Variants in ATP8B4 observed in about 807,000 individuals in gnomAD.
ATP8B4 encodes ATPase phospholipid transporting 8B4 (putative), also known as probable phospholipid-transporting ATPase IM.
ATP8B4 carries 133 observed loss-of-function variants against 145.6 expected under a neutral mutation model. That is an observed-to-expected ratio of 0.91 (90% CI 0.79 to 1.05). The LOEUF is 1.05. Ranked by LOEUF, ATP8B4 falls within the 50% of genes least tolerant of loss-of-function variation. ATP8B4 has a pLI of 0.00. For synonymous variants in ATP8B4, 507 were observed against 492.9 expected (o/e 1.03, Z -0.38); for missense variants, 1,458 against 1,425.2 (o/e 1.02, Z -0.37).
At chr15:50,023,419 C>T (rs2049743792) in intron 6 of ATP8B4, among the ~76,000 whole-genome samples, 1 of 152,098 alleles carries the variant, frequency 6.6e-6, no homozygotes, top group African/African-American at 2.4e-5. Context: ...AGCAAATCTG[C>T]AGGCCAATTA....
intron 10 of ATP8B4, among the ~76,000 whole-genome samples, chr15:49,983,534 A>G (rs940516590): frequency 2.0e-5 from 3 of 152,162 alleles, no homozygotes; most frequent in Non-Finnish European, 2.9e-5. Context: ...GTGAAAACCT[A>G]GAAACTTTGT....
intron 12 of ATP8B4, among the ~76,000 whole-genome samples, chr15:49,974,397 C>CTTT (rs35144345): frequency 1.6e-4 from 23 of 142,920 alleles, no homozygotes; most frequent in African/African-American, 4.4e-4. Context: ...GCCACTTGTC[C>CTTT]TTTTTTTTTT....
chr15:50,138,310 ATAGATAGATAGATAGG>A (rs1222695128), intron 1 of ATP8B4, among the ~76,000 whole-genome samples: 26 of 131,090 alleles, frequency 2.0e-4, no homozygotes, highest in Non-Finnish European at 3.5e-4. Context: ...AGATACATAT[ATAGATAGATAGATAGG>A]TAGATAGATA....
rs761473687 is a variant in ATP8B4 at position 49,901,177 on chromosome 15, T to C, written c.2204A>G (p.Glu735Gly). 5.6e-6 allele frequency: 9 copies of C among 1,613,716 alleles called. No homozygotes were observed. Among genetic ancestry groups the C allele is most frequent in the East Asian group, 2.2e-5 (1 of 44,826 alleles). Residue 735 changes from glutamate (E) to glycine (G), a missense_variant, in exon 21 of 28, where the codon GAA becomes GGA. Coordinates refer to ENST00000284509, the MANE Select transcript of ATP8B4 (RefSeq NM_024837.4). ...ATCCAACTCCAGCTGCTGCTTTTTT[T>C]CACAAACTACATGGCCATTGGAAAA... ...RNFSNGHVVC[E>G]KKQQLELDSI...
intron 6 of ATP8B4, among the ~76,000 whole-genome samples, chr15:50,026,048 A>G (rs954353621): frequency 5.3e-5 from 8 of 152,166 alleles, no homozygotes; most frequent in African/African-American, 1.4e-4. Context: ...CTGTTGGAAG[A>G]CCCGATGATT....
At chr15:50,108,513 T>G (rs1457902116) in intron 1 of ATP8B4, among the ~76,000 whole-genome samples, 1 of 152,142 alleles carries the variant, frequency 6.6e-6, no homozygotes, top group African/African-American at 2.4e-5. Context: ...CCTGCTCCCA[T>G]GCTTCCCTGC....
chr15:50,097,124 C>T (rs1214022879), intron 2 of ATP8B4, among the ~76,000 whole-genome samples: 1 of 152,128 alleles, frequency 6.6e-6, no homozygotes, highest in Non-Finnish European at 1.5e-5. Flanking sequence ...GAGAAAACAG[C>T]TTTTGGATTT....
intron 1 of ATP8B4, among the ~76,000 whole-genome samples, chr15:50,157,720 A>G (rs1432172914): frequency 1.5e-5 from 2 of 130,968 alleles, no homozygotes; most frequent in Admixed American, 1.6e-4. Context: ...ACCCTTTAAC[A>G]TATTTATTCT....
rs796938021 is a variant in ATP8B4 at position 50,085,907 on chromosome 15, ATATT to A, written c.29-11726_29-11723del. Among the ~76,000 whole-genome samples the A allele has an allele frequency of 3.9e-3, 369 of 94,690 alleles. 5 individuals are homozygous for A. The highest frequency in any genetic ancestry group is 0.011 in the Middle Eastern group (2 of 176). 62.1% of individuals were successfully genotyped at this position (94,690 alleles called of 152,430 possible). A position where few individuals can be genotyped will look rare whatever the true frequency, so the allele number is the denominator to read the frequency against. On this transcript the variant is annotated intron_variant, in intron 2 of 27. Transcript: ENST00000284509. ...TATTTATATATGATATATATCATAT[ATATT>A]TATATATGATATATATCATATATAT...
At chr15:49,861,473 T>TCTATCTATCTATCTACCTACCTAC (rs1285604644) in intron 27 of ATP8B4, among the ~76,000 whole-genome samples, 8 of 135,702 alleles carry the variant, frequency 5.9e-5, no homozygotes, top group African/African-American at 1.8e-4. Context: ...TATCTATCTA[T>TCTATCTATCTATCTACCTACCTAC]CTACCTACCT....
chr15:49,978,972 G>A (rs2153531707), intron 12 of ATP8B4, among the ~76,000 whole-genome samples: 1 of 152,100 alleles, frequency 6.6e-6, no homozygotes, highest in East Asian at 1.9e-4. Flanking sequence ...TCTTACAATG[G>A]ACTAGCACCA....
At chr15:50,151,851 A>C (rs763447184) in intron 1 of ATP8B4, among the ~76,000 whole-genome samples, 1 of 152,104 alleles carries the variant, frequency 6.6e-6, no homozygotes, top group Non-Finnish European at 1.5e-5. Flanking sequence ...TTTGAGGAAT[A>C]GTAAGAATAA....
intron 20 of ATP8B4, among the ~76,000 whole-genome samples, chr15:49,909,722 CAA>C (rs995336781): frequency 1.3e-3 from 94 of 72,030 alleles, no homozygotes; most frequent in East Asian, 4.4e-3. Flanking sequence ...CTTTGTTTAC[CAA>C]AAAAAAAAAA....
chr15:50,122,532 T>C (rs1197903987), upstream of ATP8B4, among the ~76,000 whole-genome samples: 6 of 152,192 alleles, frequency 3.9e-5, no homozygotes, highest in East Asian at 1.2e-3. Context: ...GTTGTGTTTG[T>C]CTGTTTGTTT....
chr15:50,073,085 GTA>G lies in ATP8B4; in HGVS notation c.87+1040_87+1041del, dbSNP rs1242484216. Among the ~76,000 whole-genome samples, 6 of 146,298 alleles carry G rather than the reference GTA, an allele frequency of 4.1e-5. 1 individual carries two copies. The highest frequency in any genetic ancestry group is 4.3e-4 in the South Asian group (2 of 4,620). On this transcript the variant is annotated intron_variant, in intron 3 of 27. Coordinates refer to ENST00000284509, the MANE Select transcript of ATP8B4 (RefSeq NM_024837.4). ...TATACGCATATATATATGTGTGTGT[GTA>G]TATATATGTGTGTGTGTGTTTTTAA...
chr15:49,946,424 C>T (rs2042569232), intron 14 of ATP8B4, among the ~76,000 whole-genome samples: 2 of 152,304 alleles, frequency 1.3e-5, no homozygotes, highest in South Asian at 4.1e-4. Flanking sequence ...CAGTTCTATA[C>T]CACACACAAA....
intron 3 of ATP8B4, among the ~76,000 whole-genome samples, chr15:50,071,043 T>C (rs1360760322): frequency 6.6e-6 from 1 of 152,142 alleles, no homozygotes; most frequent in Non-Finnish European, 1.5e-5. Context: ...GCCCAGCCCA[T>C]CTTGGTATGT....
chr15:49,959,851 A>T (rs903837498), intron 14 of ATP8B4, among the ~76,000 whole-genome samples: 7 of 152,174 alleles, frequency 4.6e-5, no homozygotes, highest in Non-Finnish European at 1.0e-4. Context: ...AAGATTCAAC[A>T]TCATAAGGAT....
rs201533602 is a variant in ATP8B4 at position 49,861,101 on chromosome 15, TAAG to T, written c.3298-629_3298-627del. ...GTACTCTTTCATTTCCCTGTAAAGC[TAAG>T]GAGAAAAAGACCTGAGGTTTGTTGT... On this transcript the variant is annotated intron_variant, in intron 27 of 27. Transcript: ENST00000284509. Among the ~76,000 whole-genome samples, 645 of 126,812 alleles carry T rather than the reference TAAG, an allele frequency of 5.1e-3. 7 individuals are homozygous for T. Among genetic ancestry groups the T allele is most frequent in the African/African-American group, 0.018 (629 of 34,920 alleles). The allele number at this position is 126,812 out of a possible 152,430, so 83.2% of individuals were successfully genotyped here. A position where few individuals can be genotyped will look rare whatever the true frequency, so the allele number is the denominator to read the frequency against.
Sources: gnomAD v4.1 joint callset for allele counts (sites outside exome capture counted in the v4.1 genomes callset) on GRCh38, gnomAD v4.1.1 for gene constraint, MANE v1.5 for transcripts, NCBI Gene and HGNC (gene_info 2026-07-23, HGNC 2026-07-21) for gene names.